WDPCP: variants seen among roughly 807,000 people sequenced by gnomAD.
WDPCP encodes WD repeat-containing and planar cell polarity effector protein fritz homolog.
WDPCP carries 71 observed loss-of-function variants against 93.1 expected under a neutral mutation model. The observed-to-expected ratio is 0.76, with a 90% CI of 0.63 to 0.93. The LOEUF is 0.93. Ranked by LOEUF, WDPCP falls within the 40% of genes least tolerant of loss-of-function variation. The pLI is 0.00. For missense variants in WDPCP, 844 were observed against 887.4 expected (o/e 0.95, Z 0.62); for synonymous variants, 315 against 315.0 (o/e 1.00, Z 0.00).
intron 10 of WDPCP, among the ~76,000 whole-genome samples, chr2:63,388,550 C>T (rs771243932): frequency 3.2e-4 from 48 of 152,278 alleles, no homozygotes; most frequent in Non-Finnish European, 6.0e-4. Context: ...AGAATGACTT[C>T]GACGAGTTGA....
At chr2:63,459,928 A>G (rs1036741090) in intron 6 of WDPCP, among the ~76,000 whole-genome samples, 1 of 151,842 alleles carries the variant, frequency 6.6e-6, no homozygotes, top group African/African-American at 2.4e-5. Flanking sequence ...AAAAAAGAAG[A>G]AAAACAAAAC....
intron 1 of WDPCP, among the ~76,000 whole-genome samples, chr2:63,562,093 C>T (rs138585085): frequency 2.6e-5 from 4 of 152,240 alleles, no homozygotes; most frequent in East Asian, 3.9e-4. Context: ...CAGCACCATT[C>T]ACAATAGCAA....
chr2:63,303,321 C>T (rs957606272), intron 13 of WDPCP, among the ~76,000 whole-genome samples: 1 of 152,052 alleles, frequency 6.6e-6, no homozygotes, highest in African/African-American at 2.4e-5. Context: ...ACATCAATAC[C>T]CTAGAAGGCC....
rs151028695 is a variant in WDPCP at position 63,460,135 on chromosome 2, T to C, written c.385-20264A>G. Among the ~76,000 whole-genome samples the C allele has an allele frequency of 3.9e-3, 594 of 152,300 alleles. 4 individuals are homozygous for C. The highest frequency in any genetic ancestry group is 0.013 in the African/African-American group (557 of 41,554). ...AAGAAAATGTGGTGTATATAACCAA[T>C]GGAATATTATTCAGCCATAAAAAAT... is the stretch of plus-strand genomic sequence containing the variant. On this transcript the variant is annotated intron_variant, in intron 6 of 17. Transcript: ENST00000272321.
At chr2:63,723,551 T>C (rs1390161390) in intron 2 of WDPCP, among the ~76,000 whole-genome samples, 1 of 152,220 alleles carries the variant, frequency 6.6e-6, no homozygotes, top group East Asian at 1.9e-4. Context: ...GCCTAACCCC[T>C]CACACAATGC....
chr2:63,141,141 G>A (rs187816945), intron 17 of WDPCP, among the ~76,000 whole-genome samples: 1 of 151,780 alleles, frequency 6.6e-6, no homozygotes, highest in African/African-American at 2.4e-5. Flanking sequence ...GTGCAATGGT[G>A]CAATCTTGGC....
chr2:63,613,657 T>C (rs1709642301), intron 3 of WDPCP, among the ~76,000 whole-genome samples: 1 of 152,130 alleles, frequency 6.6e-6, no homozygotes, highest in Non-Finnish European at 1.5e-5. Flanking sequence ...ACACCAACAT[T>C]ATTCACCACT....
chr2:63,560,047 C>A (rs1314012690), intron 1 of WDPCP, among the ~76,000 whole-genome samples: 2 of 151,960 alleles, frequency 1.3e-5, no homozygotes, highest in African/African-American at 2.4e-5. Flanking sequence ...CCTGACCAAA[C>A]CCTGTCTCTT....
At chr2:63,495,366 T>C (rs1439615984) in intron 1 of WDPCP, among the ~76,000 whole-genome samples, 1 of 152,216 alleles carries the variant, frequency 6.6e-6, no homozygotes, top group African/African-American at 2.4e-5. Context: ...GCAGTGTTCT[T>C]TGGAATTGCT....
chr2:63,421,586 T>C (rs185009554), intron 9 of WDPCP, among the ~76,000 whole-genome samples: 1 of 152,290 alleles, frequency 6.6e-6, no homozygotes, highest in East Asian at 1.9e-4. Context: ...ACACAGGCCT[T>C]AAGCTTTCAC....
intron 2 of WDPCP, among the ~76,000 whole-genome samples, chr2:63,690,465 T>A (rs1040294892): frequency 4.6e-5 from 7 of 152,048 alleles, no homozygotes; most frequent in Admixed American, 3.9e-4. Context: ...CAGCAAAAAC[T>A]TCAAGCAGGC....
At chr2:63,267,995 G>C (rs2104834069) in intron 13 of WDPCP, among the ~76,000 whole-genome samples, 1 of 152,198 alleles carries the variant, frequency 6.6e-6, no homozygotes, top group Middle Eastern at 3.4e-3. Flanking sequence ...GATTGAAATT[G>C]ATATGTCAAG....
intron 8 of WDPCP, among the ~76,000 whole-genome samples, chr2:63,434,699 C>T (rs771196521): frequency 6.6e-6 from 1 of 152,010 alleles, no homozygotes; most frequent in Non-Finnish European, 1.5e-5. Context: ...ATAATCGAAC[C>T]ACTTTCTGGG....
chr2:63,292,804 G>A (rs1464788430), intron 13 of WDPCP, among the ~76,000 whole-genome samples: 1 of 152,244 alleles, frequency 6.6e-6, no homozygotes, highest in Non-Finnish European at 1.5e-5. Flanking sequence ...TCTGTCTGAT[G>A]TAATTGTTTT....
At chr2:63,228,723 G>C (rs1191001504) in intron 14 of WDPCP, 1 of 151,942 alleles carries the variant, frequency 6.6e-6, no homozygotes, top group Non-Finnish European at 1.5e-5. Context: ...GAGAATGATG[G>C]TTTCCAGCTT....
intron 13 of WDPCP, among the ~76,000 whole-genome samples, chr2:63,263,491 A>C (rs1354902665): frequency 1.3e-5 from 2 of 152,136 alleles, no homozygotes; most frequent in African/African-American, 4.8e-5. Context: ...TCTGCCGTCT[A>C]CCCTTCACCA....
chr2:63,525,404 T>A (rs943652816), intron 1 of WDPCP, among the ~76,000 whole-genome samples: 2 of 152,160 alleles, frequency 1.3e-5, no homozygotes, highest in East Asian at 1.9e-4. Context: ...AAATAAAATT[T>A]AAAAAAATAA....
chr2:63,684,567 A>C (rs1233016873), intron 2 of WDPCP: 4 of 715,546 alleles, frequency 5.6e-6, no homozygotes, highest in Non-Finnish European at 1.0e-5. Context: ...TACTCTGTGG[A>C]TATCCCCTTG....
chr2:63,623,442 G>A (rs551432003), intron 3 of WDPCP, among the ~76,000 whole-genome samples: 80 of 151,684 alleles, frequency 5.3e-4, no homozygotes, highest in African/African-American at 1.7e-3. Context: ...GACCCACCTC[G>A]CGTGTAAAGA....
Sources: gnomAD v4.1 joint callset for allele counts (sites outside exome capture counted in the v4.1 genomes callset) on GRCh38, gnomAD v4.1.1 for gene constraint, MANE v1.5 for transcripts, NCBI Gene and HGNC (gene_info 2026-07-23, HGNC 2026-07-21) for gene names.